ADGRB3: variants seen among roughly 807,000 people sequenced by gnomAD.
The protein encoded by ADGRB3 is adhesion G protein-coupled receptor B3.
In ADGRB3, 37 loss-of-function variants were observed where a neutral mutation model predicts 193.4. That is an observed-to-expected ratio of 0.19 (90% CI 0.15 to 0.25). The LOEUF (loss-of-function observed/expected upper bound fraction) is 0.25. ADGRB3 is among the 10% of genes least tolerant of loss of function. The probability of loss-of-function intolerance (pLI) is 1.00; values close to 1 mark genes in which losing one functional copy is unlikely to be tolerated. For missense variants in ADGRB3, 1,637 were observed against 1,852.9 expected (o/e 0.88, Z 2.14); for synonymous variants, 690 against 644.2 (o/e 1.07, Z -1.08).
intron 20 of ADGRB3, among the ~76,000 whole-genome samples, chr6:69,248,393 A>G (rs766313030): frequency 2.3e-4 from 35 of 152,234 alleles, no homozygotes; most frequent in South Asian, 2.1e-4. Flanking sequence ...AGAATTTTCA[A>G]TGGCCCATGA....
chr6:68,814,249 C>T (rs1767579411), intron 3 of ADGRB3, among the ~76,000 whole-genome samples: 1 of 152,156 alleles, frequency 6.6e-6, no homozygotes, highest in South Asian at 2.1e-4. Flanking sequence ...GATTGCCATT[C>T]TAACTGGTGT....
At chr6:69,066,227 C>T (rs1446767222) in intron 16 of ADGRB3, among the ~76,000 whole-genome samples, 1 of 151,116 alleles carries the variant, frequency 6.6e-6, no homozygotes, top group South Asian at 2.1e-4. Flanking sequence ...TATACATGCC[C>T]ATATTTGTTG....
intron 3 of ADGRB3, among the ~76,000 whole-genome samples, chr6:68,667,132 A>G (rs971212696): frequency 6.6e-6 from 1 of 151,884 alleles, no homozygotes; most frequent in African/African-American, 2.4e-5. Flanking sequence ...TTAGGGGAAA[A>G]TGTAATGTAA....
At chr6:68,960,551 A>G (rs1768203397) in intron 8 of ADGRB3, among the ~76,000 whole-genome samples, 1 of 152,120 alleles carries the variant, frequency 6.6e-6, no homozygotes, top group South Asian at 2.1e-4. Flanking sequence ...ACGGTTCCTT[A>G]TTTGTATAAG....
intron 26 of ADGRB3, among the ~76,000 whole-genome samples, chr6:69,343,548 A>G (rs1769024669): frequency 6.6e-6 from 1 of 152,154 alleles, no homozygotes; most frequent in Admixed American, 6.5e-5. Context: ...AATCAATTAT[A>G]TTACACTAAA....
chr6:69,098,537 T>G (rs1298467136), intron 17 of ADGRB3, among the ~76,000 whole-genome samples: 1 of 152,100 alleles, frequency 6.6e-6, no homozygotes, highest in East Asian at 1.9e-4. Flanking sequence ...CTCATGAAAC[T>G]TACAATTATG....
At chr6:68,783,307 T>TAA (rs535501012) in intron 3 of ADGRB3, among the ~76,000 whole-genome samples, 2,716 of 146,418 alleles carry the variant, frequency 0.019, 41 homozygotes, top group Non-Finnish European at 0.026. Flanking sequence ...TATATATATA[T>TAA]AACATACATA....
chr6:68,927,506 A>G (rs187238901), intron 3 of ADGRB3, among the ~76,000 whole-genome samples: 1 of 152,260 alleles, frequency 6.6e-6, no homozygotes, highest in Admixed American at 6.5e-5. Flanking sequence ...GAAAGACAGC[A>G]CAAATGTTTT....
chr6:68,641,151 T>TA (rs925148649), intron 3 of ADGRB3, among the ~76,000 whole-genome samples: 2 of 152,224 alleles, frequency 1.3e-5, no homozygotes, highest in African/African-American at 4.8e-5. Context: ...GTTGTTTTAA[T>TA]ACAGTTTAGA....
At chr6:68,766,695 TACA>T (rs1766513096) in intron 3 of ADGRB3, among the ~76,000 whole-genome samples, 3 of 152,036 alleles carry the variant, frequency 2.0e-5, no homozygotes, top group Non-Finnish European at 4.4e-5. Flanking sequence ...GTTGTAATCT[TACA>T]ACTTTTTTAC....
intron 3 of ADGRB3, among the ~76,000 whole-genome samples, chr6:68,879,302 C>T (rs180822559): frequency 1.2e-4 from 18 of 149,826 alleles, no homozygotes; most frequent in Middle Eastern, 3.4e-3. Flanking sequence ...CTGCAAGCTC[C>T]GCCTCCCAGG....
intron 15 of ADGRB3, among the ~76,000 whole-genome samples, chr6:69,054,869 T>G (rs1771499568): frequency 6.6e-6 from 1 of 152,204 alleles, no homozygotes; most frequent in South Asian, 2.1e-4. Context: ...CTTTAAAATT[T>G]TGATAAAGTA....
chr6:69,362,780 G>C (rs1404037889), intron 29 of ADGRB3, among the ~76,000 whole-genome samples: 2 of 151,966 alleles, frequency 1.3e-5, no homozygotes, highest in Admixed American at 1.3e-4. Flanking sequence ...TGAATTAGCA[G>C]AATAGCTGCA....
intron 3 of ADGRB3, among the ~76,000 whole-genome samples, chr6:68,699,042 A>G (rs1765200149): frequency 6.6e-6 from 1 of 152,120 alleles, no homozygotes; most frequent in South Asian, 2.1e-4. Context: ...GAATATTAAA[A>G]TATTATTTTA....
chr6:69,094,875 C>T (rs1772829154), intron 17 of ADGRB3, among the ~76,000 whole-genome samples: 1 of 152,092 alleles, frequency 6.6e-6, no homozygotes, highest in African/African-American at 2.4e-5. Flanking sequence ...AAGCAGAATG[C>T]TTATTTAGAT....
intron 17 of ADGRB3, among the ~76,000 whole-genome samples, chr6:69,102,674 A>C (rs909233843): frequency 6.6e-5 from 10 of 152,234 alleles, no homozygotes; most frequent in Non-Finnish European, 1.2e-4. Context: ...CAAGTGAAAA[A>C]TAGAGCATCA....
intron 5 of ADGRB3, 59 bp from the exon 6 acceptor site, chr6:68,943,771 A>G: frequency 7.1e-7 from 1 of 1,415,234 alleles, no homozygotes; most frequent in Non-Finnish European, 9.5e-7. Context: ...TTATAAAGAA[A>G]ATGATCTTTG....
intron 28 of ADGRB3, among the ~76,000 whole-genome samples, chr6:69,356,784 G>C (rs928009543): frequency 6.6e-6 from 1 of 152,102 alleles, no homozygotes; most frequent in Non-Finnish European, 1.5e-5. Context: ...TCTGCAGCAC[G>C]TCCTGTTTAG....
chr6:69,181,057 T>A (rs138690935), intron 17 of ADGRB3, among the ~76,000 whole-genome samples: 3 of 152,274 alleles, frequency 2.0e-5, no homozygotes, highest in African/African-American at 7.2e-5. Context: ...AGGAGAAAAG[T>A]GAGTCACAGA....
Sources: allele counts gnomAD v4.1 joint callset (sites outside exome capture counted in the v4.1 genomes callset), GRCh38; gene constraint gnomAD v4.1.1; transcripts MANE v1.5; gene names NCBI Gene and HGNC (gene_info 2026-07-23, HGNC 2026-07-21).